Variants in TNC observed in about 807,000 individuals in gnomAD.
TNC encodes tenascin C.
TNC carries 109 observed loss-of-function variants against 202.4 expected under a neutral mutation model. The observed-to-expected ratio is 0.54, with a 90% CI of 0.46 to 0.63. The LOEUF (loss-of-function observed/expected upper bound fraction) is 0.63, where lower values mean the gene tolerates loss of function less well. Ranked by LOEUF, TNC falls within the 30% of genes least tolerant of loss-of-function variation. TNC has a pLI of 0.00. For missense variants in TNC, 2,756 were observed against 2,833.3 expected (o/e 0.97, Z 0.62); for synonymous variants, 1,007 against 1,089.7 (o/e 0.92, Z 1.50).
rs1041528869 is a variant in TNC, at chr9:115,042,333, A to T, written c.5134T>A (p.Ser1712Thr). Reference protein sequence around the residue: ...VSAIATTAMGSPKEVIFSDIT... With the variant: ...VSAIATTAMGTPKEVIFSDIT... ...TCTGAGAAAATGACTTCCTTTGGGG[A>T]GCCCATGGCTGTCAAGAAGAAAGCA... is the stretch of plus-strand genomic sequence containing the variant. The change falls in exon 18 of 28, where the codon TCC (serine) becomes ACC (threonine). Residue 1712 changes from serine (S) to threonine (T), a missense_variant. Ser to Thr is a moderately conservative substitution (Grantham distance 58). Around this residue, in one of 2 missense-constraint regions of TNC, gnomAD observed 2,559 missense variants for 2,546.0 expected, o/e 1.01. Transcript: ENST00000350763. The T allele has an allele frequency of 3.0e-5, 48 of 1,613,792 alleles. 1 individual carries two copies. Among genetic ancestry groups the T allele is most frequent in the South Asian group, 6.6e-5 (6 of 91,062 alleles).
Position 115,032,883 on chromosome 9 carries a change from C to G in TNC, c.5788-1198G>C, listed in dbSNP as rs576788136. 6.6e-5 allele frequency among the ~76,000 whole-genome samples: 10 copies of G among 152,326 alleles called. No homozygotes were observed. In the South Asian group the frequency reaches 2.1e-3, roughly 32 times the overall value. ...GCAGGAAATCCTCTTTCCACACCCT[C>G]TTGCTAGCTTCCAATTCTTTTCAGC... On this transcript the variant is annotated intron_variant, in intron 22 of 27. Coordinates refer to ENST00000350763, the MANE Select transcript of TNC (RefSeq NM_002160.4).
intron 26 of TNC, among the ~76,000 whole-genome samples, chr9:115,024,578 A>G (rs1330925019): frequency 1.3e-5 from 2 of 152,168 alleles, no homozygotes; most frequent in Non-Finnish European, 2.9e-5. Context: ...TATTTTTATG[A>G]CTTTTCTGCA....
intron 24 of TNC, 133 bp downstream of exon 24, chr9:115,030,121 C>G: frequency 1.1e-6 from 1 of 889,240 alleles, no homozygotes; most frequent in Non-Finnish European, 1.7e-6. Flanking sequence ...GTGTGACAGG[C>G]ACTATCTTGC....
rs747421656 is a variant in TNC at position 115,078,220 on chromosome 9, G to A, written c.2405-8C>T. 6.2e-6 allele frequency: 10 copies of A among 1,600,060 alleles called. No individual in the cohort carries two copies. The East Asian group carries it at 1.8e-4, about 29-fold the overall frequency. ...GGCTGGGGGCATCCAAGCCTATGAT[G>A]GGCAGAGGACAGAGAGGCTTCAGAG... is the stretch of plus-strand genomic sequence containing the variant. On this transcript the variant is annotated splice_polypyrimidine_tract_variant and splice_region_variant and intron_variant, in intron 6 of 27. Coordinates refer to ENST00000350763, the MANE Select transcript of TNC (RefSeq NM_002160.4).
At chr9:115,028,099 T>G (rs950077676) in intron 25 of TNC, among the ~76,000 whole-genome samples, 1 of 152,190 alleles carries the variant, frequency 6.6e-6, no homozygotes, top group Non-Finnish European at 1.5e-5. Context: ...TTGCAACCCT[T>G]GCTGACATTA....
intron 1 of TNC, among the ~76,000 whole-genome samples, chr9:115,113,360 G>T (rs1411161106): frequency 6.6e-6 from 1 of 152,178 alleles, no homozygotes; most frequent in African/African-American, 2.4e-5. Flanking sequence ...AACGTTTTCA[G>T]CCTTACATTG....
chr9:115,078,230 C>T lies in TNC; in HGVS notation c.2405-18G>A. On this transcript the variant is annotated intron_variant, in intron 6 of 27. Transcript: ENST00000350763. The stretch of plus-strand genomic sequence containing the variant: ...ATCCAAGCCTATGATGGGCAGAGGA[C>T]AGAGAGGCTTCAGAGGTTAGGGCCA... The T allele has an allele frequency of 6.3e-7, 1 of 1,591,606 alleles. No homozygotes were observed. The highest frequency in any genetic ancestry group is 2.3e-5 in the East Asian group (1 of 44,442).
intron 15 of TNC, chr9:115,055,606 C>T (rs1208657183): frequency 6.6e-6 from 1 of 152,480 alleles, no homozygotes; most frequent in African/African-American, 2.4e-5. Flanking sequence ...GCACAGACAG[C>T]ACCATGGTCT....
chr9:115,052,997 C>T (rs1831822861), intron 15 of TNC: 1 of 699,864 alleles, frequency 1.4e-6, no homozygotes, highest in Admixed American at 2.0e-5. Flanking sequence ...GATTAGCGTG[C>T]CCAACTGTGG....
chr9:115,086,917 C>T lies in TNC; in HGVS notation c.814G>A (p.Asp272Asn), dbSNP rs1309791676. 7.4e-6 allele frequency: 12 copies of T among 1,613,568 alleles called. No homozygotes were observed. Among genetic ancestry groups the T allele is most frequent in the African/African-American group, 1.3e-5 (1 of 74,734 alleles). ...TTGCAGTCATCGCCTGCAAAGCCATCGTGGCACACACACAAGCCATCTACA... is the reference window on the plus strand; with the variant it reads ...TTGCAGTCATCGCCTGCAAAGCCATTGTGGCACACACACAAGCCATCTACA... ...TCVDGLCVCHDGFAGDDCNKP... is the reference protein window; with the variant it reads ...TCVDGLCVCHNGFAGDDCNKP... Residue 272 changes from aspartate to asparagine, a missense_variant, in exon 3 of 28, where the codon GAT becomes AAT. Physicochemically the swap from Asp to Asn is conservative, Grantham distance 23. This residue lies in a region of TNC where 2,559 missense variants were observed against 2,546.0 expected (regional missense o/e 1.01). Coordinates refer to ENST00000350763, the MANE Select transcript of TNC (RefSeq NM_002160.4).
intron 10 of TNC, among the ~76,000 whole-genome samples, chr9:115,065,766 G>T (rs1440420310): frequency 6.6e-6 from 1 of 151,850 alleles, no homozygotes; most frequent in Non-Finnish European, 1.5e-5. Context: ...GCTGGGTGTG[G>T]TGGCGTGAGC....
At position 115,031,645 on chromosome 9, in the gene TNC, G is replaced by T; in HGVS notation, c.5828C>A (p.Ala1943Glu). ...VGPDTTSYSL[A>E]DLSPSTHYTA... ...GTAGTGGGTGGATGGGCTCAGGTCTGCCAGGCTGTAGGAGGTGGTATCTGG... is the reference window on the plus strand; with the variant it reads ...GTAGTGGGTGGATGGGCTCAGGTCTTCCAGGCTGTAGGAGGTGGTATCTGG... The change falls in exon 23 of 28, where the codon GCA becomes GAA. Residue 1943 changes from alanine to glutamate, a missense_variant. This residue lies in a region of TNC where 2,559 missense variants were observed against 2,546.0 expected (regional missense o/e 1.01). Coordinates refer to ENST00000350763, the MANE Select transcript of TNC (RefSeq NM_002160.4). 6.2e-7 allele frequency: 1 copy of T among 1,612,228 alleles called. No homozygotes were observed.
chr9:115,091,545 A>G, intron 1 of TNC, among the ~76,000 whole-genome samples: 1 of 152,230 alleles, frequency 6.6e-6, no homozygotes, highest in East Asian at 1.9e-4. Context: ...AGAATGATGT[A>G]GAAGTTATTT....
At chr9:115,044,716 G>A (rs1401407881) in intron 17 of TNC, among the ~76,000 whole-genome samples, 3 of 152,172 alleles carry the variant, frequency 2.0e-5, no homozygotes, top group African/African-American at 7.2e-5. Context: ...CGTTTTATGG[G>A]CAGCCACAGG....
At chr9:115,066,947 T>C (rs1446144405) in intron 10 of TNC, among the ~76,000 whole-genome samples, 1 of 152,224 alleles carries the variant, frequency 6.6e-6, no homozygotes, top group Non-Finnish European at 1.5e-5. Context: ...CAGAAAATGT[T>C]TGCAATACTT....
chr9:115,028,971 T>C (rs377226463), intron 25 of TNC, among the ~76,000 whole-genome samples: 6 of 102,590 alleles, frequency 5.8e-5, no homozygotes, highest in South Asian at 3.5e-4. Context: ...AAGAAAGTCA[T>C]GGACCACAGG....
Position 115,090,647 on chromosome 9 carries a change from G to C in TNC, c.372C>G (p.Ser124Arg), listed in dbSNP as rs1233296362. The C allele has an allele frequency of 1.9e-6, 3 of 1,613,532 alleles. No individual in the cohort carries two copies. The African/African-American group carries it at 4.0e-5, about 22-fold the overall frequency. The change falls in exon 2 of 28, where the codon AGC becomes AGG. Residue 124 changes from serine (S) to arginine (R), a missense_variant. By Grantham distance (110) the Ser-to-Arg change is moderately radical. Around this residue, in one of 2 missense-constraint regions of TNC, gnomAD observed 2,559 missense variants for 2,546.0 expected, o/e 1.01. Coordinates refer to ENST00000350763, the MANE Select transcript of TNC (RefSeq NM_002160.4). ...AAAPDVKELL[S>R]RLEELENLVS... ...CCAGGTTCTCCAGCTCCTCCAGTCT[G>C]CTCAGCAGCTCCTTAACATCAGGGG... is the stretch of plus-strand genomic sequence containing the variant.
At chr9:115,053,062 G>T (rs1831829328) in intron 15 of TNC, 3 of 671,872 alleles carry the variant, frequency 4.5e-6, no homozygotes, top group South Asian at 3.1e-5. Context: ...CATTATTAGA[G>T]GAAGCAGTGG....
chr9:115,110,290 C>G (rs1836939867), intron 1 of TNC, among the ~76,000 whole-genome samples: 1 of 152,190 alleles, frequency 6.6e-6, no homozygotes. Context: ...AGACCAGAAG[C>G]AAGATCATGG....
Sources: allele counts gnomAD v4.1 joint callset (sites outside exome capture counted in the v4.1 genomes callset), GRCh38; gene constraint gnomAD v4.1.1; regional missense constraint gnomAD v4.1.1; transcripts MANE v1.5; gene names NCBI Gene and HGNC (gene_info 2026-07-23, HGNC 2026-07-21).